The following DLG2 variants were observed in gnomAD, a reference collection of about 807,000 sequenced individuals.
DLG2 encodes the protein disks large homolog 2.
DLG2 carries 45 observed loss-of-function variants against 132.5 expected under a neutral mutation model. The observed-to-expected ratio is 0.34, with a 90% CI of 0.27 to 0.44. DLG2 has a LOEUF of 0.44. DLG2 is among the 20% of genes least tolerant of loss of function. The pLI, the probability that DLG2 is intolerant of heterozygous loss-of-function variation, is 1.00. For synonymous variants in DLG2, 424 were observed against 419.6 expected, an observed-to-expected ratio of 1.01 and a Z score of -0.13; for missense variants, 1,045 against 1,196.9, an observed-to-expected ratio of 0.87 and a Z score of 1.87.
intron 3 of DLG2, among the ~76,000 whole-genome samples, chr11:85,352,544 G>A (rs1180518902): frequency 6.6e-6 from 1 of 152,056 alleles, no homozygotes; most frequent in Admixed American, 6.6e-5. Context: ...TGGGCATTTA[G>A]TGCTATAAAT....
intron 6 of DLG2, among the ~76,000 whole-genome samples, chr11:85,010,967 C>T (rs2059104637): frequency 6.6e-6 from 1 of 152,148 alleles, no homozygotes; most frequent in Non-Finnish European, 1.5e-5. Flanking sequence ...TACTTACCCT[C>T]AGCAGGGGCA....
intron 21 of DLG2, among the ~76,000 whole-genome samples, chr11:83,492,777 C>T (rs2093930703): frequency 6.6e-6 from 1 of 152,062 alleles, no homozygotes. Context: ...ATCTGACCAC[C>T]TCTCACCATC....
rs74775139 is a variant in DLG2, at chr11:84,575,590, T to A, written c.358-40859A>T. ...AGTATATATATTTATGGGGTACATG[T>A]GATATTTTTGATACAGGCATGCAAT... On this transcript the variant is annotated intron_variant, in intron 6 of 27. Coordinates refer to ENST00000376104, the MANE Select transcript of DLG2 (RefSeq NM_001142699.3). Among the ~76,000 whole-genome samples, 939 of 152,312 alleles carry A rather than the reference T, an allele frequency of 6.2e-3. 1 individual carries two copies. Among genetic ancestry groups the A allele is most frequent in the Non-Finnish European group, 9.3e-3 (631 of 68,024 alleles).
chr11:84,130,085 C>T (rs2094352192), intron 9 of DLG2, among the ~76,000 whole-genome samples: 1 of 151,936 alleles, frequency 6.6e-6, no homozygotes, highest in African/African-American at 2.4e-5. Context: ...AAAAGGTATT[C>T]TTGAGATAGC....
At chr11:84,831,612 T>C (rs1045060290) in intron 6 of DLG2, among the ~76,000 whole-genome samples, 20 of 151,602 alleles carry the variant, frequency 1.3e-4, no homozygotes, top group African/African-American at 4.8e-4. Flanking sequence ...GATAACTTTC[T>C]CCCTACCCCT....
At chr11:85,619,428 G>C (rs2081551281) in intron 2 of DLG2, among the ~76,000 whole-genome samples, 1 of 152,076 alleles carries the variant, frequency 6.6e-6, no homozygotes, top group African/African-American at 2.4e-5. Context: ...AAATGCAAAA[G>C]TTTGAAAACT....
At chr11:83,824,904 C>T (rs2052053765) in intron 17 of DLG2, among the ~76,000 whole-genome samples, 2 of 151,866 alleles carry the variant, frequency 1.3e-5, no homozygotes, top group Non-Finnish European at 1.5e-5. Context: ...CTGCACCTTG[C>T]TAAGTTGTGA....
At chr11:83,970,152 T>A (rs1318013974) in intron 12 of DLG2, among the ~76,000 whole-genome samples, 2 of 152,210 alleles carry the variant, frequency 1.3e-5, no homozygotes, top group Non-Finnish European at 2.9e-5. Context: ...AAGGGCTCAT[T>A]GTCTCTCTCC....
intron 11 of DLG2, among the ~76,000 whole-genome samples, chr11:83,993,776 G>C (rs1350554391): frequency 6.6e-6 from 1 of 152,090 alleles, no homozygotes; most frequent in Admixed American, 6.6e-5. Context: ...TGCAAACCAA[G>C]GTCATTAAAC....
At chr11:85,624,343 C>A (rs145476717) in intron 2 of DLG2, among the ~76,000 whole-genome samples, 2 of 152,268 alleles carry the variant, frequency 1.3e-5, no homozygotes, top group Admixed American at 1.3e-4. Context: ...CAAAAATATA[C>A]TAACTAAATA....
intron 18 of DLG2, among the ~76,000 whole-genome samples, chr11:83,657,610 C>A (rs936228939): frequency 7.0e-6 from 1 of 143,314 alleles, no homozygotes. Flanking sequence ...GCGATCTCGG[C>A]TCACTGCAAG....
rs902025464 is a variant in DLG2 at position 84,298,272 on chromosome 11, T to A, written c.520-46981A>T. Reference sequence around the variant, plus strand: ...TTTCCATTCATGTGAAAATTATATGTTTCATGCAAATCAATGACTTTTGCA... The same window carrying A: ...TTTCCATTCATGTGAAAATTATATGATTCATGCAAATCAATGACTTTTGCA... On this transcript the variant is annotated intron_variant, in intron 7 of 27. Coordinates refer to ENST00000376104, the MANE Select transcript of DLG2 (RefSeq NM_001142699.3). Among the ~76,000 whole-genome samples, 13 of 152,322 alleles carry A rather than the reference T, an allele frequency of 8.5e-5. No individual in the cohort carries two copies. The South Asian group carries it at 1.2e-3, about 15-fold the overall frequency.
intron 6 of DLG2, among the ~76,000 whole-genome samples, chr11:84,673,258 C>T (rs1003031596): frequency 6.6e-6 from 1 of 151,996 alleles, no homozygotes; most frequent in Non-Finnish European, 1.5e-5. Flanking sequence ...ATGTATTTTA[C>T]ATAAGAGAGA....
chr11:85,491,095 C>G (rs1350497155), intron 3 of DLG2, among the ~76,000 whole-genome samples: 1 of 151,958 alleles, frequency 6.6e-6, no homozygotes, highest in Non-Finnish European at 1.5e-5. Flanking sequence ...GGTTTTATAA[C>G]AGAAATGCAA....
At chr11:85,625,624 A>G (rs984393035) in intron 2 of DLG2, among the ~76,000 whole-genome samples, 1 of 152,234 alleles carries the variant, frequency 6.6e-6, no homozygotes, top group African/African-American at 2.4e-5. Context: ...CCATGCAGAG[A>G]TAAGTTCCAC....
intron 14 of DLG2, among the ~76,000 whole-genome samples, chr11:83,943,027 G>C (rs1232698510): frequency 6.6e-6 from 1 of 152,142 alleles, no homozygotes; most frequent in Non-Finnish European, 1.5e-5. Flanking sequence ...AGTTTTATAA[G>C]GGGGAGTTTC....
At chr11:85,407,750 A>T (rs546706017) in intron 3 of DLG2, among the ~76,000 whole-genome samples, 1 of 151,856 alleles carries the variant, frequency 6.6e-6, no homozygotes, top group South Asian at 2.1e-4. Context: ...TGTCCCACCC[A>T]AGAAGCAGGG....
chr11:85,196,964 G>T (rs993269906), intron 4 of DLG2, among the ~76,000 whole-genome samples: 6 of 152,110 alleles, frequency 3.9e-5, no homozygotes, highest in African/African-American at 1.4e-4. Context: ...TTTAATTTTG[G>T]CACCTTATAT....
chr11:83,640,748 T>C (rs1308566863), intron 18 of DLG2, among the ~76,000 whole-genome samples: 1 of 152,138 alleles, frequency 6.6e-6, no homozygotes. Flanking sequence ...GAGTATCATG[T>C]TCTTTTTAGA....
Sources: gnomAD v4.1 joint callset for allele counts (sites outside exome capture counted in the v4.1 genomes callset) on GRCh38, gnomAD v4.1.1 for gene constraint, MANE v1.5 for transcripts, NCBI Gene and HGNC (gene_info 2026-07-23, HGNC 2026-07-21) for gene names.